The following SLC8A1 variants were observed in gnomAD, a reference collection of about 807,000 sequenced individuals.
SLC8A1 encodes the protein solute carrier family 8 member A1, also known as sodium/calcium exchanger 1.
Under a neutral mutation model 68.3 loss-of-function variants are expected in SLC8A1, and 18 were observed. That is an observed-to-expected ratio of 0.26 (90% CI 0.18 to 0.39). SLC8A1 has a LOEUF of 0.39. SLC8A1 is among the 10% of genes least tolerant of loss of function. The probability of loss-of-function intolerance (pLI) is 1.00; values close to 1 mark genes in which losing one functional copy is unlikely to be tolerated. For missense variants in SLC8A1, 985 were observed against 1,156.7 expected, an observed-to-expected ratio of 0.85 and a Z score of 2.15; for synonymous variants, 475 against 415.5, an observed-to-expected ratio of 1.14 and a Z score of -1.74.
chr2:40,103,622 G>A (rs2125032318), exon 8 of SLC8A1: 1 of 152,138 alleles, frequency 6.6e-6, no homozygotes, highest in Non-Finnish European at 1.5e-5. Flanking sequence ...ATTACTATAA[G>A]AAACTGTATG....
At chr2:40,368,508 C>T (rs1575756060) in intron 2 of SLC8A1, among the ~76,000 whole-genome samples, 1 of 151,832 alleles carries the variant, frequency 6.6e-6, no homozygotes, top group South Asian at 2.1e-4. Context: ...TTTTTATTTA[C>T]AAGAATTGGG....
intron 2 of SLC8A1, among the ~76,000 whole-genome samples, chr2:40,194,431 G>A (rs757437039): frequency 3.1e-4 from 47 of 150,782 alleles, no homozygotes; most frequent in Non-Finnish European, 3.5e-4. Flanking sequence ...AACACTGAGC[G>A]ATCACTAAGA....
At chr2:40,497,874 G>A (rs1376331375) in intron 1 of SLC8A1, among the ~76,000 whole-genome samples, 1 of 152,022 alleles carries the variant, frequency 6.6e-6, no homozygotes, top group African/African-American at 2.4e-5. Flanking sequence ...TTGTGTTTTA[G>A]CAAATCACTT....
chr2:40,379,868 A>T (rs1382231813), intron 2 of SLC8A1, among the ~76,000 whole-genome samples: 1 of 152,112 alleles, frequency 6.6e-6, no homozygotes, highest in African/African-American at 2.4e-5. Context: ...AATGTAAAAC[A>T]TATACTCACA....
Position 40,311,349 on chromosome 2 carries a change from T to C in SLC8A1, c.1808+117124A>G, listed in dbSNP as rs1244855998. 3.9e-5 allele frequency among the ~76,000 whole-genome samples: 6 copies of C among 152,180 alleles called. No homozygotes were observed. In the South Asian group the frequency reaches 8.3e-4, roughly 21 times the overall value. On this transcript the variant is annotated intron_variant, in intron 2 of 7. Coordinates refer to ENST00000406785, the Ensembl canonical transcript of SLC8A1. ...ATCAGTTTCTTCTAGCATCATTGTA[T>C]AGAAAAAAATCATTTTTTCTTCAGA...
intron 7 of SLC8A1, among the ~76,000 whole-genome samples, chr2:40,127,721 A>T (rs1397339091): frequency 6.6e-6 from 1 of 152,168 alleles, no homozygotes; most frequent in Non-Finnish European, 1.5e-5. Context: ...TTTATGGAGG[A>T]CTATGCCAAA....
chr2:40,414,565 C>T (rs1394130707), intron 2 of SLC8A1, among the ~76,000 whole-genome samples: 1 of 152,014 alleles, frequency 6.6e-6, no homozygotes, highest in Middle Eastern at 3.2e-3. Flanking sequence ...ATGTTCTTGC[C>T]TTGATTGATC....
upstream of SLC8A1, among the ~76,000 whole-genome samples, chr2:40,455,177 A>C (rs116632082): frequency 3.6e-3 from 554 of 152,362 alleles, 3 homozygotes; most frequent in African/African-American, 0.013. Flanking sequence ...GGGATCTGTT[A>C]GCAAACTCAT....
chr2:40,258,161 T>A (rs2064193960), intron 2 of SLC8A1, among the ~76,000 whole-genome samples: 1 of 152,176 alleles, frequency 6.6e-6, no homozygotes, highest in Non-Finnish European at 1.5e-5. Context: ...CTCTAAACAG[T>A]GACATTTTGT....
intron 1 of SLC8A1, among the ~76,000 whole-genome samples, chr2:40,459,260 T>C (rs1384065258): frequency 1.3e-5 from 2 of 152,180 alleles, no homozygotes; most frequent in African/African-American, 2.4e-5. Flanking sequence ...TTAGGGAAAG[T>C]ACTAGTTTAG....
At chr2:40,295,556 TTTTACTTAA>T (rs1009585545) in intron 2 of SLC8A1, among the ~76,000 whole-genome samples, 9 of 152,292 alleles carry the variant, frequency 5.9e-5, no homozygotes, top group Non-Finnish European at 1.0e-4. Flanking sequence ...CTGAAATTCA[TTTTACTTAA>T]TTAGCATCAT....
chr2:40,200,173 G>GAGATATATATATATAT (rs1553407546), intron 2 of SLC8A1, among the ~76,000 whole-genome samples: 1 of 4,754 alleles, frequency 2.1e-4, no homozygotes, highest in Non-Finnish European at 7.8e-4. Context: ...TCAAGTCATT[G>GAGATATATATATATAT]ATATATATAT....
At chr2:40,492,859 A>G (rs7422238) in intron 1 of SLC8A1, among the ~76,000 whole-genome samples, 146,837 of 148,694 alleles carry the variant, frequency 0.99, 72,532 homozygotes, top group Middle Eastern at 1. Context: ...GTGCTGGAGA[A>G]GATGTGGAGA....
At chr2:40,233,971 T>C (rs1446301849) in intron 2 of SLC8A1, among the ~76,000 whole-genome samples, 4 of 152,078 alleles carry the variant, frequency 2.6e-5, no homozygotes, top group East Asian at 1.9e-4. Context: ...TGTTTTGGTA[T>C]CAGTACCATG....
intron 7 of SLC8A1, among the ~76,000 whole-genome samples, chr2:40,132,417 C>A (rs960514986): frequency 2.0e-5 from 3 of 151,898 alleles, no homozygotes; most frequent in Non-Finnish European, 2.9e-5. Context: ...GGAGTTACAT[C>A]CAGGCATATT....
Position 40,386,332 on chromosome 2 carries a change from T to C in SLC8A1, c.1808+42141A>G, listed in dbSNP as rs1474717364. Among the ~76,000 whole-genome samples the C allele has an allele frequency of 4.0e-5, 6 of 150,868 alleles. No individual in the cohort carries two copies. In the South Asian group the frequency reaches 1.2e-3, roughly 31 times the overall value. On this transcript the variant is annotated intron_variant, in intron 2 of 7. Coordinates refer to ENST00000406785, the Ensembl canonical transcript of SLC8A1. ...CTTTCAAATGGTAAATGTGTGTGTG[T>C]ATATAACAGAGCAATAGAAGTCAAT...
At chr2:40,441,395 GA>G (rs147850068) in intron 1 of SLC8A1, among the ~76,000 whole-genome samples, 64,840 of 141,556 alleles carry the variant, frequency 0.46, 17,881 homozygotes, top group East Asian at 0.93. Context: ...CATAGAATTA[GA>G]AAAAAAAAAA....
chr2:40,296,899 T>C (rs4952607), intron 2 of SLC8A1, among the ~76,000 whole-genome samples: 34,171 of 152,076 alleles, frequency 0.22, 4,445 homozygotes, highest in East Asian at 0.38. Flanking sequence ...GACTGTTCTA[T>C]GGCTCTCCAC....
intron 2 of SLC8A1, among the ~76,000 whole-genome samples, chr2:40,191,640 C>T (rs546320321): frequency 6.6e-6 from 1 of 152,260 alleles, no homozygotes; most frequent in Admixed American, 6.5e-5. Flanking sequence ...CAAAATTGAA[C>T]CACTGGACCA....
Sources: allele counts gnomAD v4.1 joint callset (sites outside exome capture counted in the v4.1 genomes callset), GRCh38; gene constraint gnomAD v4.1.1; transcripts MANE v1.5; gene names NCBI Gene and HGNC (gene_info 2026-07-23, HGNC 2026-07-21).